Variants in MEF2A observed in about 807,000 individuals in gnomAD.
MEF2A encodes myocyte-specific enhancer factor 2A.
Under a neutral mutation model 55.8 loss-of-function variants are expected in MEF2A, and 28 were observed. That is an observed-to-expected ratio of 0.50 (90% confidence interval 0.37 to 0.69). The LOEUF (loss-of-function observed/expected upper bound fraction) is 0.69, where lower values mean the gene tolerates loss of function less well. MEF2A is among the 30% of genes least tolerant of loss of function. MEF2A has a pLI of 0.00. For synonymous variants in MEF2A, 239 were observed against 227.1 expected (o/e 1.05, Z -0.47); for missense variants, 528 against 626.2 (o/e 0.84, Z 1.67).
At chr15:99,692,099 G>A (rs1257620198) in intron 8 of MEF2A, among the ~76,000 whole-genome samples, 2 of 152,222 alleles carry the variant, frequency 1.3e-5, no homozygotes, top group Non-Finnish European at 2.9e-5. Context: ...TTTTTGCTAA[G>A]TGAAAGTGAT....
chr15:99,602,653 G>GGTGGGTGT (rs1555454714), intron 2 of MEF2A, among the ~76,000 whole-genome samples: 55 of 44,862 alleles, frequency 1.2e-3, no homozygotes, highest in African/African-American at 3.3e-3. Context: ...ACATTCCTGG[G>GGTGGGTGT]GTGTGTGTGT....
At chr15:99,597,564 A>C (rs1971635398) in intron 1 of MEF2A, among the ~76,000 whole-genome samples, 3 of 152,012 alleles carry the variant, frequency 2.0e-5, no homozygotes, top group Admixed American at 2.0e-4. Context: ...GCCTTGTCAT[A>C]TTCTATTACC....
intron 5 of MEF2A, among the ~76,000 whole-genome samples, chr15:99,673,927 T>A (rs998515093): frequency 8.5e-5 from 13 of 152,098 alleles, no homozygotes; most frequent in African/African-American, 3.1e-4. Flanking sequence ...ATATTTATGA[T>A]TTATCAGATT....
intron 2 of MEF2A, among the ~76,000 whole-genome samples, chr15:99,624,874 AC>A (rs2041821768): frequency 6.6e-6 from 1 of 152,034 alleles, no homozygotes; most frequent in South Asian, 2.1e-4. Flanking sequence ...CAAGCTTTTC[AC>A]CTTCACCTCC....
intron 4 of MEF2A, among the ~76,000 whole-genome samples, chr15:99,646,833 A>T (rs999791222): frequency 6.6e-6 from 1 of 152,130 alleles, no homozygotes; most frequent in Non-Finnish European, 1.5e-5. Context: ...CTACACACAT[A>T]AAAACTATTA....
At position 99,712,817 on chromosome 15, in the gene MEF2A, G is replaced by A; in HGVS notation, c.*46G>A. Reference sequence around the variant, plus strand: ...TACTTTTGTGTTACTGCAGTGACCTGCCCTACATATCTAAATCGGTAAATA... The same window carrying A: ...TACTTTTGTGTTACTGCAGTGACCTACCCTACATATCTAAATCGGTAAATA... On this transcript the variant is annotated 3_prime_UTR_variant, in exon 12 of 12. Transcript: ENST00000557942. The surrounding 1 kb of genome is among the most constrained non-coding windows in gnomAD (Gnocchi z 4.1). The A allele has an allele frequency of 3.9e-6, 6 of 1,527,552 alleles. No individual in the cohort carries two copies. Among genetic ancestry groups the A allele is most frequent in the Non-Finnish European group, 5.3e-6 (6 of 1,130,976 alleles). 94.6% of individuals were successfully genotyped at this position (1,527,552 alleles called of 1,614,324 possible).
In MEF2A at chr15:99,608,624, C is replaced by T. The variant is rs563442219; in HGVS notation, c.-143+10113C>T. Among the ~76,000 whole-genome samples, 13 of 152,204 alleles carry T rather than the reference C, an allele frequency of 8.5e-5. 1 individual carries two copies. The highest frequency in any genetic ancestry group is 8.3e-4 in the South Asian group (4 of 4,824). On this transcript the variant is annotated intron_variant, in intron 2 of 11. Coordinates refer to ENST00000557942, the MANE Select transcript of MEF2A (RefSeq NM_001319206.4). ...GATAAAAAGTAATACTTTGGGCGAG[C>T]GTGGTGGCTCACGCCTGTAATGTCA... is the stretch of plus-strand genomic sequence containing the variant.
chr15:99,703,523 A>G lies in MEF2A; in HGVS notation c.882+138A>G, dbSNP rs1357755437. 9.0e-6 allele frequency: 6 copies of G among 664,278 alleles called. No homozygotes were observed. In the South Asian group the frequency reaches 1.4e-4, roughly 15 times the overall value. 41.1% of individuals were successfully genotyped at this position (664,278 alleles called of 1,614,324 possible). A position where few individuals can be genotyped will look rare whatever the true frequency, so the allele number is the denominator to read the frequency against. On this transcript the variant is annotated intron_variant, in intron 9 of 11. Coordinates refer to ENST00000557942, the MANE Select transcript of MEF2A (RefSeq NM_001319206.4). ...CTATTCAAACACTTTGAATAAAGCA[A>G]TCTACTGGTACTACAGACTCTAGTT... is the stretch of plus-strand genomic sequence containing the variant.
rs2058817379 is a variant in MEF2A at position 99,712,866 on chromosome 15, T to C, written c.*95T>C. On this transcript the variant is annotated 3_prime_UTR_variant, in exon 12 of 12. Transcript: ENST00000557942. This position sits in a 1 kb window ranked among gnomAD's most constrained non-coding sequence, Gnocchi z 4.1. ...TAAGGACATGAGTTAAATATATTTA[T>C]ATGTACATACATATATATATCCCTT... 3.1e-6 allele frequency: 4 copies of C among 1,275,810 alleles called. No homozygotes were observed. The Admixed American group carries it at 9.5e-5, about 30-fold the overall frequency. The allele number at this position is 1,275,810 out of a possible 1,614,324, so 79.0% of individuals were successfully genotyped here.
At chr15:99,625,620 A>G (rs537851460) in intron 2 of MEF2A, among the ~76,000 whole-genome samples, 6 of 152,202 alleles carry the variant, frequency 3.9e-5, no homozygotes, top group African/African-American at 1.4e-4. Flanking sequence ...ATTTTTATAT[A>G]TAGTATTTAT....
chr15:99,671,496 C>T (rs1020799424), intron 5 of MEF2A, 42 bp downstream of exon 5: 2 of 1,613,680 alleles, frequency 1.2e-6, no homozygotes, highest in Non-Finnish European at 1.7e-6. Context: ...TTTGTTGATC[C>T]TTTTTGTTAA....
At chr15:99,573,323 A>G (rs1963168320) in intron 1 of MEF2A, among the ~76,000 whole-genome samples, 2 of 151,956 alleles carry the variant, frequency 1.3e-5, no homozygotes, top group Admixed American at 1.3e-4. Flanking sequence ...TGTCCTAATC[A>G]ACGGAAATAA....
rs1171751474 is a variant in MEF2A, at chr15:99,710,661, C to A, written c.1037C>A (p.Ser346Ter). The change falls in exon 11 of 12, where the codon TCA (serine) becomes TAA (stop). Residue 346 changes from serine to a stop codon, truncating the protein, a stop_gained. Transcript: ENST00000557942. LOFTEE classifies it high-confidence loss of function. ...TDYSLTSADLSALQGFNSPGM... is the reference protein window; with the variant it reads ...TDYSLTSADL ...TATTCACTGACCAGCGCTGACCTGT[C>A]AGCCCTTCAAGGCTTCAACTCGCCA... The A allele has an allele frequency of 6.2e-7, 1 of 1,613,506 alleles. No homozygotes were observed. The highest frequency in any genetic ancestry group is 8.5e-7 in the Non-Finnish European group (1 of 1,179,562).
intron 2 of MEF2A, among the ~76,000 whole-genome samples, chr15:99,631,950 C>G (rs900797316): frequency 2.0e-5 from 3 of 152,172 alleles, no homozygotes; most frequent in African/African-American, 7.2e-5. Flanking sequence ...ATTGAAAATA[C>G]TTGCATAAAA....
At chr15:99,597,219 G>A (rs1304720107) in intron 1 of MEF2A, among the ~76,000 whole-genome samples, 1 of 152,138 alleles carries the variant, frequency 6.6e-6, no homozygotes, top group Non-Finnish European at 1.5e-5. Flanking sequence ...AAATATCGCT[G>A]AATTCTTTTT....
chr15:99,684,612 G>C (rs1171123496), intron 7 of MEF2A, among the ~76,000 whole-genome samples: 1 of 152,124 alleles, frequency 6.6e-6, no homozygotes, highest in Non-Finnish European at 1.5e-5. Flanking sequence ...TTAGTCCTTT[G>C]TCAGATGCAT....
Position 99,574,695 on chromosome 15 carries a change from G to A in MEF2A, c.-225+8591G>A, listed in dbSNP as rs566751863. Among the ~76,000 whole-genome samples the A allele has an allele frequency of 1.4e-4, 22 of 152,264 alleles. No homozygotes were observed. The East Asian group carries it at 3.5e-3, about 24-fold the overall frequency. On this transcript the variant is annotated intron_variant, in intron 1 of 11. Coordinates refer to ENST00000557942, the MANE Select transcript of MEF2A (RefSeq NM_001319206.4). Reference sequence around the variant, plus strand: ...GGTGGTAATGCAAGCGACGGGGAGCGGCTGTAAATACAGATGAAGGTTCAC... The same window carrying A: ...GGTGGTAATGCAAGCGACGGGGAGCAGCTGTAAATACAGATGAAGGTTCAC...
intron 4 of MEF2A, among the ~76,000 whole-genome samples, chr15:99,662,031 C>T (rs757799562): frequency 3.3e-5 from 5 of 151,916 alleles, no homozygotes; most frequent in Non-Finnish European, 5.9e-5. Flanking sequence ...GTGTGTGGTT[C>T]CATTTACATA....
chr15:99,674,399 C>G lies in MEF2A; in HGVS notation c.397C>G (p.Leu133Val). 1.2e-6 allele frequency: 2 copies of G among 1,600,726 alleles called. No individual in the cohort carries two copies. The highest frequency in any genetic ancestry group is 1.1e-5 in the South Asian group (1 of 89,780). Reference sequence around the variant, plus strand: ...TCTTTTTCTTTATTTACAGCCTGGTCTGCCACCTCAGAACTTTTCAATGTC... The same window carrying G: ...TCTTTTTCTTTATTTACAGCCTGGTGTGCCACCTCAGAACTTTTCAATGTC... Reference protein sequence around the residue: ...DFIFKRGPPGLPPQNFSMSVT... With the variant: ...DFIFKRGPPGVPPQNFSMSVT... The change falls in exon 6 of 12, where the codon CTG becomes GTG. Residue 133 changes from leucine to valine, a missense_variant. By Grantham distance (32) the Leu-to-Val change is conservative (BLOSUM62 1). Coordinates refer to ENST00000557942, the MANE Select transcript of MEF2A (RefSeq NM_001319206.4).
Sources: allele counts gnomAD v4.1 joint callset (sites outside exome capture counted in the v4.1 genomes callset), GRCh38; gene constraint gnomAD v4.1.1; non-coding constraint Gnocchi (gnomAD v3.1); transcripts MANE v1.5; gene names NCBI Gene and HGNC (gene_info 2026-07-23, HGNC 2026-07-21).